DLGAP2: variants seen among roughly 807,000 people sequenced by gnomAD.
The protein encoded by DLGAP2 is disks large-associated protein 2.
Under a neutral mutation model 100.3 loss-of-function variants are expected in DLGAP2, and 26 were observed. That is an observed-to-expected ratio of 0.26 (90% CI 0.19 to 0.36). DLGAP2 has a LOEUF of 0.36. Ranked by LOEUF, DLGAP2 falls within the 10% of genes least tolerant of loss-of-function variation. The pLI is 1.00. For missense variants in DLGAP2, 1,858 were observed against 1,453.2 expected (o/e 1.28, Z -4.53); for synonymous variants, 886 against 630.1 (o/e 1.41, Z -6.08).
At chr8:934,558 G>C (rs1338488717) in intron 2 of DLGAP2, among the ~76,000 whole-genome samples, 8 of 152,216 alleles carry the variant, frequency 5.3e-5, no homozygotes, top group Admixed American at 2.6e-4. Context: ...GCGCCTCCCA[G>C]GGGGTGGAGA....
At chr8:1,325,985 C>A (rs6558448) in intron 3 of DLGAP2, among the ~76,000 whole-genome samples, 1 of 151,956 alleles carries the variant, frequency 6.6e-6, no homozygotes, top group Non-Finnish European at 1.5e-5. Context: ...GAGTTTCTGC[C>A]TCCGGGTTAG....
intron 2 of DLGAP2, among the ~76,000 whole-genome samples, chr8:1,076,905 C>G (rs1011288641): frequency 7.0e-6 from 1 of 143,602 alleles, no homozygotes; most frequent in African/African-American, 2.6e-5. Flanking sequence ...CTGTCCCGGC[C>G]CCCCCCAAGA....
At chr8:1,683,864 G>A (rs768199256) in intron 12 of DLGAP2, among the ~76,000 whole-genome samples, 2,801 of 69,400 alleles carry the variant, frequency 0.04, 155 homozygotes, top group African/African-American at 0.15. Flanking sequence ...ATATGTGTGT[G>A]TGTGTGTGTG....
At chr8:1,699,268 A>G (rs1055065657) in intron 14 of DLGAP2, among the ~76,000 whole-genome samples, 1 of 152,128 alleles carries the variant, frequency 6.6e-6, no homozygotes, top group African/African-American at 2.4e-5. Flanking sequence ...TCAGGATATC[A>G]AGACCATCCT....
At chr8:1,205,679 G>A (rs946024796) in intron 2 of DLGAP2, among the ~76,000 whole-genome samples, 2 of 152,186 alleles carry the variant, frequency 1.3e-5, no homozygotes, top group African/African-American at 4.8e-5. Flanking sequence ...TGGACAGGTA[G>A]AGGTGACCGG....
chr8:1,546,617 C>T (rs771449866), intron 4 of DLGAP2, among the ~76,000 whole-genome samples: 2 of 152,088 alleles, frequency 1.3e-5, no homozygotes, highest in African/African-American at 4.8e-5. Flanking sequence ...CCTTGGTTAC[C>T]TGGAGGGTTG....
chr8:1,176,360 T>A (rs907790474), intron 2 of DLGAP2, among the ~76,000 whole-genome samples: 1 of 152,024 alleles, frequency 6.6e-6, no homozygotes, highest in African/African-American at 2.4e-5. Flanking sequence ...CGAGGTGAGA[T>A]TTGGGTGGGG....
chr8:1,199,013 T>A (rs1379397204), intron 2 of DLGAP2, among the ~76,000 whole-genome samples: 1 of 152,338 alleles, frequency 6.6e-6, no homozygotes, highest in South Asian at 2.1e-4. Flanking sequence ...CTCCTTAAAA[T>A]GCAGCAGAGG....
chr8:783,613 T>C (rs749780374), intron 1 of DLGAP2, among the ~76,000 whole-genome samples: 11 of 152,054 alleles, frequency 7.2e-5, no homozygotes, highest in Middle Eastern at 3.4e-3. Flanking sequence ...TGATTTCTTA[T>C]CTTAGGGTTT....
intron 1 of DLGAP2, among the ~76,000 whole-genome samples, chr8:756,674 G>C (rs926889728): frequency 2.0e-5 from 3 of 152,068 alleles, no homozygotes; most frequent in African/African-American, 7.2e-5. Flanking sequence ...TTTCATAGAT[G>C]CGGAAACTGA....
At chr8:1,418,646 C>G (rs1024438798) in intron 3 of DLGAP2, among the ~76,000 whole-genome samples, 3 of 152,124 alleles carry the variant, frequency 2.0e-5, no homozygotes, top group Admixed American at 6.5e-5. Flanking sequence ...AAGAAAAATT[C>G]CATTTTTTTT....
At chr8:898,382 C>T (rs1049312292) in intron 1 of DLGAP2, among the ~76,000 whole-genome samples, 2 of 152,138 alleles carry the variant, frequency 1.3e-5, no homozygotes, top group Admixed American at 6.5e-5. Flanking sequence ...TGCACCCTGG[C>T]GTGGTCCCTG....
intron 2 of DLGAP2, among the ~76,000 whole-genome samples, chr8:1,140,307 C>T (rs1205961492): frequency 2.1e-5 from 3 of 141,436 alleles, no homozygotes; most frequent in Non-Finnish European, 3.1e-5. Context: ...CTGGATGGTC[C>T]CACGCCTTCC....
intron 3 of DLGAP2, among the ~76,000 whole-genome samples, chr8:1,460,696 T>C (rs1798448805): frequency 6.6e-6 from 1 of 152,238 alleles, no homozygotes; most frequent in African/African-American, 2.4e-5. Flanking sequence ...TTCTCAACTT[T>C]AAAGAGATAA....
At chr8:812,748 G>T (rs1796395231) in intron 1 of DLGAP2, among the ~76,000 whole-genome samples, 1 of 152,164 alleles carries the variant, frequency 6.6e-6, no homozygotes. Context: ...CAATCATACG[G>T]CATACAGGAG....
chr8:1,689,014 C>A (rs986168380), intron 12 of DLGAP2, among the ~76,000 whole-genome samples: 1 of 152,232 alleles, frequency 6.6e-6, no homozygotes, highest in Non-Finnish European at 1.5e-5. Flanking sequence ...CTGGCTTGGG[C>A]AGCAGGATGC....
At chr8:974,067 AAG>A (rs996413301) in intron 2 of DLGAP2, among the ~76,000 whole-genome samples, 2 of 152,270 alleles carry the variant, frequency 1.3e-5, no homozygotes, top group Non-Finnish European at 2.9e-5. Context: ...TAATACCAGA[AAG>A]AGAAGAAAGA....
intron 1 of DLGAP2, among the ~76,000 whole-genome samples, chr8:883,969 C>G (rs1211697783): frequency 6.6e-6 from 1 of 152,214 alleles, no homozygotes; most frequent in Admixed American, 6.5e-5. Flanking sequence ...AGGACATGAT[C>G]TCTTTGCTTT....
intron 2 of DLGAP2, among the ~76,000 whole-genome samples, chr8:1,195,455 C>T (rs1042640386): frequency 6.6e-6 from 1 of 152,138 alleles, no homozygotes; most frequent in Admixed American, 6.5e-5. Context: ...GCACAGTGAA[C>T]CAGGACAGAA....
Sources: allele counts gnomAD v4.1 joint callset (sites outside exome capture counted in the v4.1 genomes callset), GRCh38; gene constraint gnomAD v4.1.1; transcripts MANE v1.5; gene names NCBI Gene and HGNC (gene_info 2026-07-23, HGNC 2026-07-21).